The following CLIC4 variants were observed in gnomAD, a reference collection of about 807,000 sequenced individuals.
CLIC4 encodes the protein chloride intracellular channel protein 4.
A neutral mutation model predicts 24.6 loss-of-function variants in CLIC4; 13 were observed. The ratio of observed to expected loss-of-function variants is 0.53; its 90% CI spans 0.34 to 0.84. CLIC4 has a LOEUF of 0.84. Among genes scored for constraint, CLIC4 ranks in the 40% least tolerant of loss-of-function variants. CLIC4 has a pLI of 0.01. For synonymous variants in CLIC4, 104 were observed against 111.3 expected (o/e 0.93, Z 0.41); for missense variants, 227 against 301.7 (o/e 0.75, Z 1.83).
intron 1 of CLIC4, among the ~76,000 whole-genome samples, chr1:24,779,183 C>T (rs1353060944): frequency 6.6e-6 from 1 of 152,060 alleles, no homozygotes; most frequent in African/African-American, 2.4e-5. Context: ...AAAATTAATA[C>T]CCCAGGCTGG....
At chr1:24,811,674 C>G (rs1486559971) in intron 2 of CLIC4, among the ~76,000 whole-genome samples, 4 of 152,174 alleles carry the variant, frequency 2.6e-5, no homozygotes, top group African/African-American at 9.6e-5. Context: ...TGGGATCTCA[C>G]TATGTTGCCC....
intron 1 of CLIC4, 82 bp downstream of exon 1, chr1:24,745,707 T>G: frequency 8.6e-7 from 1 of 1,160,466 alleles, no homozygotes; most frequent in Non-Finnish European, 1.2e-6. Flanking sequence ...GGGGCTCTCC[T>G]GAGGCGCCCC....
At chr1:24,814,034 G>C in intron 2 of CLIC4, 60 bp from the exon 3 acceptor site, 1 of 1,606,358 alleles carries the variant, frequency 6.2e-7, no homozygotes, top group South Asian at 1.1e-5. Flanking sequence ...AGAATTTAAA[G>C]TATTATTGTT....
chr1:24,773,047 T>C (rs569947058), intron 1 of CLIC4, among the ~76,000 whole-genome samples: 21 of 152,224 alleles, frequency 1.4e-4, no homozygotes, highest in Non-Finnish European at 2.5e-4. Flanking sequence ...TTTCTGTGCA[T>C]GTCAAGCAAT....
chr1:24,799,301 C>T (rs1184282424), intron 2 of CLIC4, among the ~76,000 whole-genome samples: 1 of 151,626 alleles, frequency 6.6e-6, no homozygotes, highest in South Asian at 2.1e-4. Flanking sequence ...TGCCCCGCCT[C>T]CCCATCTGGG....
At chr1:24,803,613 C>T (rs1050193725) in intron 2 of CLIC4, among the ~76,000 whole-genome samples, 2 of 151,916 alleles carry the variant, frequency 1.3e-5, no homozygotes, top group Non-Finnish European at 2.9e-5. Context: ...ATTTAAAGAA[C>T]GTTTAGATAG....
rs925031230 is a variant in CLIC4 at position 24,823,728 on chromosome 1, T to G, written c.309-3282T>G. On this transcript the variant is annotated intron_variant, in intron 3 of 5. Transcript: ENST00000374379. ...GGCGGAGGTTGCAGTGAGCGGAGATTGCGCCACTGTACTCTAGCCTGGACA... is the reference window on the plus strand; with the variant it reads ...GGCGGAGGTTGCAGTGAGCGGAGATGGCGCCACTGTACTCTAGCCTGGACA... Among the ~76,000 whole-genome samples, 7 of 143,432 alleles carry G rather than the reference T, an allele frequency of 4.9e-5. No homozygotes were observed. In the South Asian group the frequency reaches 8.7e-4, roughly 18 times the overall value. 94.1% of individuals were successfully genotyped at this position (143,432 alleles called of 152,430 possible).
intron 3 of CLIC4, among the ~76,000 whole-genome samples, chr1:24,819,923 A>G (rs1639708965): frequency 7.0e-6 from 1 of 143,322 alleles, no homozygotes; most frequent in South Asian, 2.2e-4. Flanking sequence ...TTGTATTTTT[A>G]GTAGAGACAG....
intron 1 of CLIC4, among the ~76,000 whole-genome samples, chr1:24,750,891 CA>C (rs768224416): frequency 7.9e-5 from 12 of 151,846 alleles, no homozygotes; most frequent in Non-Finnish European, 1.8e-4. Context: ...TATTTATAGG[CA>C]GATCTCCCCT....
chr1:24,775,220 CTT>C (rs1439553733), intron 1 of CLIC4, among the ~76,000 whole-genome samples: 4 of 77,050 alleles, frequency 5.2e-5, no homozygotes, highest in African/African-American at 2.0e-4. Flanking sequence ...TCCTTTCTTT[CTT>C]TCTTTTTTTT....
At chr1:24,778,443 A>C (rs963467757) in intron 1 of CLIC4, among the ~76,000 whole-genome samples, 1 of 152,232 alleles carries the variant, frequency 6.6e-6, no homozygotes, top group Non-Finnish European at 1.5e-5. Flanking sequence ...TTTTGGTAAC[A>C]TTTTGATTTA....
intron 1 of CLIC4, among the ~76,000 whole-genome samples, chr1:24,769,780 T>G (rs563480101): frequency 6.6e-6 from 1 of 152,278 alleles, no homozygotes; most frequent in African/African-American, 2.4e-5. Flanking sequence ...CCTCGTTGCA[T>G]TTTGGGGGCC....
At chr1:24,748,380 T>C (rs912121926) in intron 1 of CLIC4, among the ~76,000 whole-genome samples, 1 of 152,016 alleles carries the variant, frequency 6.6e-6, no homozygotes, top group Non-Finnish European at 1.5e-5. Flanking sequence ...TGGGTGACCC[T>C]AGGCAGTTTG....
Position 24,841,655 on chromosome 1 carries a change from A to C in CLIC4, c.*718A>C, listed in dbSNP as rs1434433978. On this transcript the variant is annotated 3_prime_UTR_variant, in exon 6 of 6. Coordinates refer to ENST00000374379, the MANE Select transcript of CLIC4 (RefSeq NM_013943.3). ...GAGGGTTTTCTCAAGACCTTCCTCA[A>C]GCATTTTATCTTTAGAAGAGAAACT... 6.6e-6 allele frequency: 1 copy of C among 152,334 alleles called. No individual in the cohort carries two copies. Among genetic ancestry groups the C allele is most frequent in the African/African-American group, 2.4e-5 (1 of 41,458 alleles). 9.4% of individuals were successfully genotyped at this position (152,334 alleles called of 1,614,324 possible).
intron 3 of CLIC4, among the ~76,000 whole-genome samples, chr1:24,815,106 C>A (rs1639654855): frequency 6.6e-6 from 1 of 152,168 alleles, no homozygotes; most frequent in Admixed American, 6.5e-5. Flanking sequence ...TTTCCCAGTG[C>A]ATGTAAAAGT....
At chr1:24,822,914 C>T (rs1189738810) in intron 3 of CLIC4, among the ~76,000 whole-genome samples, 1 of 152,094 alleles carries the variant, frequency 6.6e-6, no homozygotes, top group African/African-American at 2.4e-5. Context: ...CTAGGGCACC[C>T]AGGGACCATT....
chr1:24,790,543 A>G (rs1443974507), intron 1 of CLIC4, among the ~76,000 whole-genome samples: 80 of 152,212 alleles, frequency 5.3e-4, no homozygotes, highest in Admixed American at 5.1e-3. Context: ...GAACTAAACA[A>G]GCCAGCAACC....
At chr1:24,751,693 G>A (rs1448162312) in intron 1 of CLIC4, among the ~76,000 whole-genome samples, 1 of 152,044 alleles carries the variant, frequency 6.6e-6, no homozygotes, top group African/African-American at 2.4e-5. Flanking sequence ...GCGAAACCCC[G>A]TCTCTACTAA....
chr1:24,810,331 C>T (rs559502985), intron 2 of CLIC4, among the ~76,000 whole-genome samples: 4 of 152,278 alleles, frequency 2.6e-5, no homozygotes, highest in Admixed American at 6.5e-5. Flanking sequence ...AACAGTCCCC[C>T]ACCTGTGTCT....
Sources: gnomAD v4.1 joint callset for allele counts (sites outside exome capture counted in the v4.1 genomes callset) on GRCh38, gnomAD v4.1.1 for gene constraint, MANE v1.5 for transcripts, NCBI Gene and HGNC (gene_info 2026-07-23, HGNC 2026-07-21) for gene names.